PALS2: variants seen among roughly 807,000 people sequenced by gnomAD.
The protein encoded by PALS2 is protein PALS2.
In PALS2, 27 loss-of-function variants were observed where a neutral mutation model predicts 61.6. That is an observed-to-expected ratio of 0.44 (90% CI 0.32 to 0.60). The LOEUF (loss-of-function observed/expected upper bound fraction) is 0.60, where lower values mean the gene tolerates loss of function less well. Ranked by LOEUF, PALS2 falls within the 20% of genes least tolerant of loss-of-function variation. PALS2 has a pLI of 0.05. For synonymous variants in PALS2, 236 were observed against 218.6 expected (o/e 1.08, Z -0.70); for missense variants, 554 against 639.4 (o/e 0.87, Z 1.44).
At chr7:24,599,177 G>T (rs765143201) in intron 1 of PALS2, among the ~76,000 whole-genome samples, 43 of 152,114 alleles carry the variant, frequency 2.8e-4, no homozygotes, top group Non-Finnish European at 5.3e-4. Context: ...TGTTATACAT[G>T]TGGGCTATTT....
chr7:24,602,838 C>G (rs937603922), intron 1 of PALS2, among the ~76,000 whole-genome samples: 1 of 152,088 alleles, frequency 6.6e-6, no homozygotes, highest in Admixed American at 6.6e-5. Context: ...GTAATTGAAT[C>G]ATGAGGGTGG....
intron 3 of PALS2, among the ~76,000 whole-genome samples, chr7:24,648,024 G>T (rs534820420): frequency 6.6e-6 from 1 of 152,270 alleles, no homozygotes; most frequent in South Asian, 2.1e-4. Flanking sequence ...AGCAGCGCAG[G>T]TTAGCAACTT....
intron 5 of PALS2, among the ~76,000 whole-genome samples, chr7:24,662,155 G>A (rs996306485): frequency 6.6e-5 from 10 of 152,100 alleles, no homozygotes; most frequent in Admixed American, 1.3e-4. Context: ...AGTTGAAAAT[G>A]TTCTGAATGC....
intron 11 of PALS2, among the ~76,000 whole-genome samples, chr7:24,683,872 A>T (rs1456602279): frequency 6.6e-6 from 1 of 152,180 alleles, no homozygotes; most frequent in African/African-American, 2.4e-5. Flanking sequence ...TTTATCTTAT[A>T]TGTCTAATTC....
At chr7:24,585,042 C>G (rs1220640041) in intron 1 of PALS2, among the ~76,000 whole-genome samples, 1 of 151,790 alleles carries the variant, frequency 6.6e-6, no homozygotes, top group Non-Finnish European at 1.5e-5. Flanking sequence ...TGGTACCAGT[C>G]CCATGCTGTT....
intron 2 of PALS2, among the ~76,000 whole-genome samples, chr7:24,638,327 T>C (rs1462055616): frequency 8.7e-4 from 5 of 5,756 alleles, no homozygotes; most frequent in Non-Finnish European, 9.8e-4. Context: ...ATTTTCTTTT[T>C]TTTTTTTTTT....
intron 11 of PALS2, 59 bp downstream of exon 11, chr7:24,680,579 A>G (rs913676695): frequency 2.5e-5 from 38 of 1,522,064 alleles, no homozygotes; most frequent in Non-Finnish European, 3.3e-5. Context: ...AGCATGTTTA[A>G]CTGTTATCTA....
chr7:24,677,227 C>T (rs1353798617), intron 9 of PALS2, among the ~76,000 whole-genome samples: 15 of 152,076 alleles, frequency 9.9e-5, no homozygotes, highest in Non-Finnish European at 2.9e-5. Flanking sequence ...ATTTTGTATC[C>T]TGAGACTTTG....
At chr7:24,648,102 T>C (rs1303493928) in intron 3 of PALS2, among the ~76,000 whole-genome samples, 1 of 152,158 alleles carries the variant, frequency 6.6e-6, no homozygotes, top group African/African-American at 2.4e-5. Context: ...TTTTCTCCAG[T>C]GTTTCACAAA....
At position 24,693,560 on chromosome 7, in the gene PALS2, A is replaced by G. The variant is rs1788572824; in HGVS notation, c.*5946A>G. ...AAGTAACATTGCTTTAAAGACATAA[A>G]GCTTGTCCTGGTAAACATGGTCTAA... On this transcript the variant is annotated 3_prime_UTR_variant, in exon 12 of 12. Transcript: ENST00000222644. 3 of 152,182 alleles carry G rather than the reference A, an allele frequency of 2.0e-5. No homozygotes were observed. The South Asian group carries it at 6.2e-4, about 32-fold the overall frequency. 9.4% of individuals were successfully genotyped at this position (152,182 alleles called of 1,614,324 possible).
At chr7:24,656,705 T>A (rs1345428596) in intron 5 of PALS2, among the ~76,000 whole-genome samples, 2 of 147,886 alleles carry the variant, frequency 1.4e-5, no homozygotes, top group African/African-American at 4.9e-5. Context: ...GTATTTTTTC[T>A]TTTTTTTTGT....
intron 2 of PALS2, among the ~76,000 whole-genome samples, chr7:24,636,420 A>G (rs571698030): frequency 1.3e-5 from 2 of 152,130 alleles, no homozygotes; most frequent in African/African-American, 4.8e-5. Context: ...TGTACTTCTG[A>G]GTGAAGTTGT....
chr7:24,634,276 G>A (rs931829574), intron 2 of PALS2, among the ~76,000 whole-genome samples: 3 of 152,072 alleles, frequency 2.0e-5, no homozygotes, highest in African/African-American at 7.2e-5. Flanking sequence ...TGCCGCCCAG[G>A]CTGGAGTGCA....
At chr7:24,664,356 C>CT (rs2128086961) in intron 6 of PALS2, among the ~76,000 whole-genome samples, 1 of 152,204 alleles carries the variant, frequency 6.6e-6, no homozygotes, top group African/African-American at 2.4e-5. Context: ...TCAGAAACCC[C>CT]TAGCAGCAGT....
chr7:24,693,528 G>A lies in PALS2; in HGVS notation c.*5914G>A, dbSNP rs1788571744. 6.6e-6 allele frequency: 1 copy of A among 152,176 alleles called. No individual in the cohort carries two copies. The highest frequency in any genetic ancestry group is 1.5e-5 in the Non-Finnish European group (1 of 68,018). 9.4% of individuals were successfully genotyped at this position (152,176 alleles called of 1,614,324 possible). A position where few individuals can be genotyped will look rare whatever the true frequency, so the allele number is the denominator to read the frequency against. ...TATTCTTAAATAGGAGAGGTGGACA[G>A]TAGTGTAAGTAACATTGCTTTAAAG... On this transcript the variant is annotated 3_prime_UTR_variant, in exon 12 of 12. Transcript: ENST00000222644.
At position 24,649,594 on chromosome 7, in the gene PALS2, T is replaced by G; in HGVS notation, c.271-18T>G. On this transcript the variant is annotated intron_variant, in intron 3 of 11. Coordinates refer to ENST00000222644, the MANE Select transcript of PALS2 (RefSeq NM_001303037.2). ...CCACATATCATAAATAACCACAGGC[T>G]ATTTTGACTCCTTATAGTCACTGTT... is the stretch of plus-strand genomic sequence containing the variant. The G allele has an allele frequency of 6.5e-7, 1 of 1,536,802 alleles. No individual in the cohort carries two copies. Among genetic ancestry groups the G allele is most frequent in the Middle Eastern group, 1.8e-4 (1 of 5,604 alleles).
chr7:24,659,201 A>G (rs980731714), intron 5 of PALS2, among the ~76,000 whole-genome samples: 1 of 152,192 alleles, frequency 6.6e-6, no homozygotes, highest in African/African-American at 2.4e-5. Context: ...ATGGCTGCAT[A>G]GTATTCCATG....
chr7:24,626,858 C>A (rs1330987052), intron 2 of PALS2, among the ~76,000 whole-genome samples: 1 of 152,106 alleles, frequency 6.6e-6, no homozygotes, highest in African/African-American at 2.4e-5. Flanking sequence ...ATAGGAGCTC[C>A]CAGATTCATA....
At chr7:24,632,639 G>A (rs1241542735) in intron 2 of PALS2, among the ~76,000 whole-genome samples, 1 of 152,026 alleles carries the variant, frequency 6.6e-6, no homozygotes, top group Non-Finnish European at 1.5e-5. Flanking sequence ...TGCCCACGTC[G>A]GCCTCCCAAA....
Sources: allele counts gnomAD v4.1 joint callset (sites outside exome capture counted in the v4.1 genomes callset), GRCh38; gene constraint gnomAD v4.1.1; transcripts MANE v1.5; gene names NCBI Gene and HGNC (gene_info 2026-07-23, HGNC 2026-07-21).